The following ZFAT variants were observed in gnomAD, a reference collection of about 807,000 sequenced individuals.
ZFAT encodes zinc finger and AT-hook domain containing, also known as zinc finger protein ZFAT.
A neutral mutation model predicts 117.7 loss-of-function variants in ZFAT; 64 were observed. The ratio of observed to expected loss-of-function variants is 0.54; its 90% CI spans 0.44 to 0.67. ZFAT has a LOEUF of 0.67. Among genes scored for constraint, ZFAT ranks in the 30% least tolerant of loss-of-function variants. The pLI, the probability that ZFAT is intolerant of heterozygous loss-of-function variation, is 0.00. For synonymous variants in ZFAT, 679 were observed against 615.0 expected, an observed-to-expected ratio of 1.10 and a Z score of -1.54; for missense variants, 1,433 against 1,584.5, an observed-to-expected ratio of 0.90 and a Z score of 1.62.
At chr8:134,794,276 C>A in the ZFAT span, 1 of 152,220 alleles carries the variant, frequency 6.6e-6, no homozygotes, top group African/African-American at 2.4e-5. Flanking sequence ...AAGTACTGAT[C>A]TGAAAAGACT....
chr8:134,696,920 AT>A (rs35879552), intron 1 of ZFAT, among the ~76,000 whole-genome samples: 186 of 144,472 alleles, frequency 1.3e-3, no homozygotes, highest in Admixed American at 1.4e-3. Flanking sequence ...TAATCCAACA[AT>A]TTTTTTTTTT....
intron 11 of ZFAT, among the ~76,000 whole-genome samples, chr8:134,539,555 G>A (rs1211564205): frequency 1.3e-5 from 2 of 152,168 alleles, no homozygotes; most frequent in African/African-American, 4.8e-5. Flanking sequence ...TTCAACCTCA[G>A]TTTAACAACC....
chr8:134,496,229 A>AAG (rs1818426032), intron 15 of ZFAT, among the ~76,000 whole-genome samples: 3 of 152,228 alleles, frequency 2.0e-5, no homozygotes, highest in Non-Finnish European at 4.4e-5. Context: ...TCTTCCCATT[A>AAG]TACAGATGGG....
At chr8:134,671,315 G>T (rs541293261) in intron 1 of ZFAT, among the ~76,000 whole-genome samples, 1 of 152,118 alleles carries the variant, frequency 6.6e-6, no homozygotes, top group Admixed American at 6.6e-5. Context: ...GAGAATTTTA[G>T]ACCAATATCC....
chr8:134,758,524 C>T, the ZFAT span, among the ~76,000 whole-genome samples: 1 of 152,226 alleles, frequency 6.6e-6, no homozygotes, highest in Non-Finnish European at 1.5e-5. Context: ...GGCTTATTGC[C>T]TAAGCTTGTT....
chr8:134,760,000 G>A, the ZFAT span, among the ~76,000 whole-genome samples: 2 of 131,882 alleles, frequency 1.5e-5, no homozygotes, highest in Non-Finnish European at 3.2e-5. Flanking sequence ...ACAAACAGAG[G>A]CCGGGTGCGG....
the ZFAT span, among the ~76,000 whole-genome samples, chr8:134,772,699 C>T: frequency 4.6e-5 from 7 of 152,316 alleles, no homozygotes; most frequent in Admixed American, 4.6e-4. Context: ...AACAACAAAA[C>T]AGCCTTCTCT....
At chr8:134,648,645 T>C (rs1030248058) in intron 2 of ZFAT, among the ~76,000 whole-genome samples, 4 of 151,902 alleles carry the variant, frequency 2.6e-5, no homozygotes, top group African/African-American at 9.7e-5. Flanking sequence ...AACAAGAGAT[T>C]GAATCAGTGA....
intron 8 of ZFAT, 149 bp downstream of exon 8, chr8:134,590,119 C>T (rs963934675): frequency 1.0e-4 from 61 of 597,198 alleles, no homozygotes; most frequent in African/African-American, 9.4e-4. Context: ...AACTTCCCAG[C>T]GTCGAATAAA....
At chr8:134,535,485 C>T (rs1586661772) in intron 11 of ZFAT, among the ~76,000 whole-genome samples, 1 of 122,888 alleles carries the variant, frequency 8.1e-6, no homozygotes, top group South Asian at 3.6e-4. Flanking sequence ...CTCCCCCTCC[C>T]CCTCCCCCTC....
chr8:134,828,905 T>C, the ZFAT span, among the ~76,000 whole-genome samples: 1 of 152,246 alleles, frequency 6.6e-6, no homozygotes, highest in African/African-American at 2.4e-5. Context: ...AAGAATAATT[T>C]GCACCTACAG....
At chr8:134,548,598 A>G (rs1822878910) in intron 11 of ZFAT, among the ~76,000 whole-genome samples, 1 of 152,228 alleles carries the variant, frequency 6.6e-6, no homozygotes, top group African/African-American at 2.4e-5. Context: ...GTTCTCTGAT[A>G]ACCAGTGTTT....
chr8:134,507,264 C>G (rs7000975), intron 15 of ZFAT, among the ~76,000 whole-genome samples: 104,109 of 152,086 alleles, frequency 0.68, 36,399 homozygotes, highest in East Asian at 0.96. Flanking sequence ...TTAAACTATA[C>G]GACAATGGAA....
intron 1 of ZFAT, among the ~76,000 whole-genome samples, chr8:134,681,929 T>C (rs183759191): frequency 5.9e-5 from 9 of 152,338 alleles, no homozygotes; most frequent in Admixed American, 2.6e-4. Context: ...AATATCTTTT[T>C]TATATATTCA....
intron 15 of ZFAT, among the ~76,000 whole-genome samples, chr8:134,499,215 G>A (rs1376737783): frequency 7.5e-6 from 1 of 133,268 alleles, no homozygotes; most frequent in South Asian, 2.7e-4. Context: ...TTGGGGTGGA[G>A]CTGGGATGCC....
At chr8:134,763,596 A>G in the ZFAT span, among the ~76,000 whole-genome samples, 10 of 152,290 alleles carry the variant, frequency 6.6e-5, no homozygotes, top group East Asian at 1.7e-3. Context: ...TTTGAATATA[A>G]GTTTGCTAGA....
intron 2 of ZFAT, 116 bp from the exon 3 acceptor site, chr8:134,637,828 G>A (rs7831658): frequency 0.11 from 148,176 of 1,398,194 alleles, 9,669 homozygotes; most frequent in African/African-American, 0.29. Context: ...AAAATGAAAA[G>A]TCTAAAGTGA....
chr8:134,830,304 G>A, the ZFAT span, among the ~76,000 whole-genome samples: 1 of 152,182 alleles, frequency 6.6e-6, no homozygotes, highest in Non-Finnish European at 1.5e-5. Flanking sequence ...GCCAATAGGA[G>A]CAAGATGTAA....
chr8:134,608,684 C>CA, intron 5 of ZFAT, 45 bp downstream of exon 5: 3 of 1,593,474 alleles, frequency 1.9e-6, no homozygotes, highest in Non-Finnish European at 2.6e-6. Flanking sequence ...GGAGTTCACT[C>CA]ACATGCAACC....
Sources: gnomAD v4.1 joint callset for allele counts (sites outside exome capture counted in the v4.1 genomes callset) on GRCh38, gnomAD v4.1.1 for gene constraint, MANE v1.5 for transcripts, NCBI Gene and HGNC (gene_info 2026-07-23, HGNC 2026-07-21) for gene names.